FAM227B: variants seen among roughly 807,000 people sequenced by gnomAD.
FAM227B encodes the protein protein FAM227B.
A neutral mutation model predicts 73.8 loss-of-function variants in FAM227B; 88 were observed. That is an observed-to-expected ratio of 1.19 (90% CI 1.00 to 1.42). The LOEUF is 1.42. Among genes scored for constraint, FAM227B ranks in the 40% most tolerant of loss-of-function variants. The pLI is 0.00. For synonymous variants in FAM227B, 210 were observed against 190.5 expected, an observed-to-expected ratio of 1.10 and a Z score of -0.84; for missense variants, 632 against 590.9, an observed-to-expected ratio of 1.07 and a Z score of -0.72.
intron 11 of FAM227B, among the ~76,000 whole-genome samples, chr15:49,505,010 A>C (rs1020632739): frequency 3.9e-5 from 6 of 152,210 alleles, no homozygotes; most frequent in African/African-American, 1.4e-4. Context: ...AGCCACCAAA[A>C]GATGAATGGA....
chr15:49,572,817 A>G (rs994328116), intron 8 of FAM227B, among the ~76,000 whole-genome samples: 4 of 152,068 alleles, frequency 2.6e-5, no homozygotes, highest in Admixed American at 2.6e-4. Flanking sequence ...TTCTATGGTC[A>G]CTCAGTGAAA....
chr15:49,394,041 G>A (rs907751020), intron 11 of FAM227B, among the ~76,000 whole-genome samples: 1 of 151,992 alleles, frequency 6.6e-6, no homozygotes, highest in Non-Finnish European at 1.5e-5. Flanking sequence ...GATTAATTAG[G>A]TCTGGGGCCC....
chr15:49,489,807 ATATATATATATATTT>A lies in FAM227B; in HGVS notation c.1012+18389_1012+18403del, dbSNP rs1281767205. 1.7e-3 allele frequency among the ~76,000 whole-genome samples: 89 copies of A among 51,910 alleles called. 7 individuals are homozygous for A. Among genetic ancestry groups the A allele is most frequent in the African/African-American group, 7.3e-3 (84 of 11,558 alleles). 34.1% of individuals were successfully genotyped at this position (51,910 alleles called of 152,430 possible). ...CAGGAGATATATATATATATTTTAT[ATATATATATATATTT>A]TATATATATATATATATTTTATATA... On this transcript the variant is annotated intron_variant, in intron 11 of 15. Transcript: ENST00000299338.
At chr15:49,526,193 T>A (rs1480711366) in intron 10 of FAM227B, among the ~76,000 whole-genome samples, 1 of 152,132 alleles carries the variant, frequency 6.6e-6, no homozygotes, top group Non-Finnish European at 1.5e-5. Context: ...TGAAATTGTA[T>A]CAAGTATCTT....
At chr15:49,611,811 C>T (rs1296065798) in intron 2 of FAM227B, among the ~76,000 whole-genome samples, 2 of 152,132 alleles carry the variant, frequency 1.3e-5, no homozygotes, top group Non-Finnish European at 2.9e-5. Context: ...CTCCTTTTCG[C>T]CTTAGAGACT....
chr15:49,402,084 C>T (rs950151448), intron 11 of FAM227B, among the ~76,000 whole-genome samples: 3 of 152,126 alleles, frequency 2.0e-5, no homozygotes, highest in Non-Finnish European at 2.9e-5. Context: ...TAGTCTCAGT[C>T]CCTCTTCCTA....
At chr15:49,495,299 T>C (rs1217220843) in intron 11 of FAM227B, among the ~76,000 whole-genome samples, 1 of 152,174 alleles carries the variant, frequency 6.6e-6, no homozygotes, top group Non-Finnish European at 1.5e-5. Flanking sequence ...GAAAACAGGT[T>C]TGAAATATAC....
At chr15:49,601,041 CA>C (rs1215100007) in intron 3 of FAM227B, among the ~76,000 whole-genome samples, 192 of 90,784 alleles carry the variant, frequency 2.1e-3, no homozygotes, top group East Asian at 5.6e-3. Flanking sequence ...GACTCTGTCT[CA>C]AAAAAAAAAA....
intron 11 of FAM227B, among the ~76,000 whole-genome samples, chr15:49,479,452 G>A (rs2055680919): frequency 6.6e-6 from 1 of 152,062 alleles, no homozygotes; most frequent in South Asian, 2.1e-4. Context: ...TGAGGCAACG[G>A]ATACACTGTA....
At chr15:49,531,070 T>C (rs2060571323) in intron 10 of FAM227B, among the ~76,000 whole-genome samples, 1 of 149,830 alleles carries the variant, frequency 6.7e-6, no homozygotes. Flanking sequence ...GCCACAGTGT[T>C]TAAGATAATA....
intron 10 of FAM227B, among the ~76,000 whole-genome samples, chr15:49,532,542 A>G (rs1160976531): frequency 1.3e-5 from 2 of 151,902 alleles, no homozygotes; most frequent in Non-Finnish European, 2.9e-5. Flanking sequence ...GTGGAAAATT[A>G]GACAAAATAG....
rs569092435 is a variant in FAM227B at position 49,366,056 on chromosome 15, T to C, written c.1271+1392A>G. 3.6e-4 allele frequency: 294 copies of C among 818,296 alleles called. 1 individual carries two copies. The highest frequency in any genetic ancestry group is 6.8e-4 in the South Asian group (51 of 74,844). The allele number at this position is 818,296 out of a possible 1,614,324, so 50.7% of individuals were successfully genotyped here. On this transcript the variant is annotated intron_variant, in intron 13 of 15. Transcript: ENST00000299338. ...AAAGTTAGATATTCTTCCTTTTTTTTCCCTCATTTATCTATCTTCAGTTGT... is the reference window on the plus strand; with the variant it reads ...AAAGTTAGATATTCTTCCTTTTTTTCCCCTCATTTATCTATCTTCAGTTGT...
chr15:49,368,713 G>C (rs1490003114), intron 12 of FAM227B, among the ~76,000 whole-genome samples: 1 of 152,134 alleles, frequency 6.6e-6, no homozygotes, highest in Non-Finnish European at 1.5e-5. Flanking sequence ...TGCCTGTCTA[G>C]ATAGTTGTTT....
chr15:49,572,262 T>C (rs1335818973), intron 8 of FAM227B, among the ~76,000 whole-genome samples: 1 of 152,052 alleles, frequency 6.6e-6, no homozygotes, highest in Non-Finnish European at 1.5e-5. Flanking sequence ...GGATTTTCTG[T>C]ATATAAGATG....
chr15:49,603,165 T>C (rs753219870), intron 3 of FAM227B, among the ~76,000 whole-genome samples: 6 of 152,222 alleles, frequency 3.9e-5, no homozygotes, highest in African/African-American at 1.4e-4. Context: ...GATTTTCTTT[T>C]CTATTTCTGT....
chr15:49,579,379 A>G (rs769484527), intron 5 of FAM227B, among the ~76,000 whole-genome samples: 4 of 152,208 alleles, frequency 2.6e-5, no homozygotes, highest in African/African-American at 7.2e-5. Flanking sequence ...CACGATAGCT[A>G]AGGTATGGAA....
intron 11 of FAM227B, among the ~76,000 whole-genome samples, chr15:49,402,586 C>T (rs924712877): frequency 4.6e-5 from 7 of 151,970 alleles, no homozygotes; most frequent in East Asian, 1.9e-4. Context: ...GTTCTCTATA[C>T]CTATTGTTTG....
At chr15:49,383,676 G>C (rs1308029081) in intron 11 of FAM227B, among the ~76,000 whole-genome samples, 1 of 152,012 alleles carries the variant, frequency 6.6e-6, no homozygotes, top group Non-Finnish European at 1.5e-5. Flanking sequence ...CAGAATGACA[G>C]ATGAAACAAA....
rs1013699561 is a variant in FAM227B at position 49,503,700 on chromosome 15, G to T, written c.1012+4511C>A. ...ATGCTCATCATCACTGGCCACCAGA[G>T]AAATGCAAATCAAAACCACAATGAG... On this transcript the variant is annotated intron_variant, in intron 11 of 15. Coordinates refer to ENST00000299338, the MANE Select transcript of FAM227B (RefSeq NM_152647.3). Among the ~76,000 whole-genome samples the T allele has an allele frequency of 9.2e-5, 14 of 152,232 alleles. No homozygotes were observed. The South Asian group carries it at 1.2e-3, about 14-fold the overall frequency.
Sources: gnomAD v4.1 joint callset for allele counts (sites outside exome capture counted in the v4.1 genomes callset) on GRCh38, gnomAD v4.1.1 for gene constraint, MANE v1.5 for transcripts, NCBI Gene and HGNC (gene_info 2026-07-23, HGNC 2026-07-21) for gene names.